The following MFSD6 variants were observed in gnomAD, a reference collection of about 807,000 sequenced individuals.
MFSD6 encodes the protein major facilitator superfamily domain-containing protein 6.
Under a neutral mutation model 56.3 loss-of-function variants are expected in MFSD6, and 26 were observed. The ratio of observed to expected loss-of-function variants is 0.46; its 90% CI spans 0.34 to 0.64. The LOEUF is 0.64. Among genes scored for constraint, MFSD6 ranks in the 30% least tolerant of loss-of-function variants. MFSD6 has a pLI of 0.01. For missense variants in MFSD6, 750 were observed against 986.2 expected, an observed-to-expected ratio of 0.76 and a Z score of 3.21; for synonymous variants, 331 against 366.9, an observed-to-expected ratio of 0.90 and a Z score of 1.12.
rs1370168818 is a variant in MFSD6, at chr2:190,457,358, G to T, written c.1533-12400G>T. On this transcript the variant is annotated intron_variant, in intron 3 of 7. Coordinates refer to ENST00000392328, the MANE Select transcript of MFSD6 (RefSeq NM_017694.4). The surrounding 1 kb of genome is among the most constrained non-coding windows in gnomAD (Gnocchi z 5.1). ...AATGATCTAACTTTCTTCTTTGGCTGGTTTTAGTATGTGAAAAAAACCACC... is the reference window on the plus strand; with the variant it reads ...AATGATCTAACTTTCTTCTTTGGCTTGTTTTAGTATGTGAAAAAAACCACC... Among the ~76,000 whole-genome samples the T allele has an allele frequency of 6.6e-6, 1 of 152,060 alleles. No individual in the cohort carries two copies. The highest frequency in any genetic ancestry group is 1.9e-4 in the East Asian group (1 of 5,196).
At position 190,488,873 on chromosome 2, in the gene MFSD6, C is replaced by T. The variant is rs902156434; in HGVS notation, c.1792+55C>T. The stretch of plus-strand genomic sequence containing the variant: ...TTCTATTATTAAAACATGATTTTTT[C>T]CAGCAATACCTCAATAAACAATCCA... On this transcript the variant is annotated intron_variant, in intron 5 of 7. Transcript: ENST00000392328. The surrounding 1 kb of genome is among the most constrained non-coding windows in gnomAD (Gnocchi z 6.4). 32 of 1,433,590 alleles carry T rather than the reference C, an allele frequency of 2.2e-5. No homozygotes were observed. The highest frequency in any genetic ancestry group is 3.8e-4 in the Middle Eastern group (2 of 5,278). 88.8% of individuals were successfully genotyped at this position (1,433,590 alleles called of 1,614,324 possible).
rs1686009167 is a variant in MFSD6 at position 190,431,696 on chromosome 2, AG to A, written c.-53-4280del. ...GCTCAGCATCAGGGAGACCGTGGAAAGAGAGGGAGAGGGAGACTGTGGGGAG... is the reference window on the plus strand; with the variant it reads ...GCTCAGCATCAGGGAGACCGTGGAAAAGAGGGAGAGGGAGACTGTGGGGAG... On this transcript the variant is annotated intron_variant, in intron 2 of 7. Transcript: ENST00000392328. The surrounding 1 kb of genome is among the most constrained non-coding windows in gnomAD (Gnocchi z 4.4). Among the ~76,000 whole-genome samples, 1 of 92,186 alleles carries A rather than the reference AG, an allele frequency of 1.1e-5. No individual in the cohort carries two copies. The highest frequency in any genetic ancestry group is 3.2e-5 in the Non-Finnish European group (1 of 31,576). 60.5% of individuals were successfully genotyped at this position (92,186 alleles called of 152,430 possible).
intron 1 of MFSD6, among the ~76,000 whole-genome samples, chr2:190,414,497 T>C (rs1351588915): frequency 6.6e-6 from 1 of 152,198 alleles, no homozygotes; most frequent in Non-Finnish European, 1.5e-5. Flanking sequence ...CACATTTCAA[T>C]TTTATTTTCT....
rs765623588 is a variant in MFSD6, at chr2:190,499,986, A to T, written c.2173-29A>T. 21 of 1,611,494 alleles carry T rather than the reference A, an allele frequency of 1.3e-5. No individual in the cohort carries two copies. The highest frequency in any genetic ancestry group is 1.7e-5 in the Non-Finnish European group (20 of 1,177,760). On this transcript the variant is annotated intron_variant, in intron 7 of 7. Transcript: ENST00000392328. This position sits in a 1 kb window ranked among gnomAD's most constrained non-coding sequence, Gnocchi z 6.0. ...TTGGATTTATTTGCTATCACTGATC[A>T]TGGGGCATCTCCTGTTTTTTACCTC...
intron 4 of MFSD6, among the ~76,000 whole-genome samples, chr2:190,486,591 T>A (rs898436948): frequency 6.6e-6 from 1 of 152,220 alleles, no homozygotes; most frequent in Non-Finnish European, 1.5e-5. Flanking sequence ...GTTGCTGATG[T>A]CCCTCAGGAA....
At position 190,437,070 on chromosome 2, in the gene MFSD6, C is replaced by G. The variant is rs1431402866; in HGVS notation, c.1041C>G (p.Asp347Glu). ...TGCTGTCTGTGGGCATCGGGATCGA[C>G]TACACCCACATCGAAGTGCTCATCG... ...LAMLSVGIGI[D>E]YTHIEVLIDG... Residue 347 changes from aspartate to glutamate, a missense_variant, in exon 3 of 8, where the codon GAC becomes GAG. Around this residue, in one of 5 missense-constraint regions of MFSD6, gnomAD observed 376 missense variants for 437.9 expected, o/e 0.86. Coordinates refer to ENST00000392328, the MANE Select transcript of MFSD6 (RefSeq NM_017694.4). The surrounding 1 kb of genome is among the most constrained non-coding windows in gnomAD (Gnocchi z 5.9). 1 of 1,614,130 alleles carries G rather than the reference C, an allele frequency of 6.2e-7. No individual in the cohort carries two copies. The highest frequency in any genetic ancestry group is 8.5e-7 in the Non-Finnish European group (1 of 1,180,060).
At chr2:190,449,210 A>T (rs933807893) in intron 3 of MFSD6, among the ~76,000 whole-genome samples, 1 of 152,232 alleles carries the variant, frequency 6.6e-6, no homozygotes, top group Non-Finnish European at 1.5e-5. Context: ...GCAGTGGCTC[A>T]TGCCTGTAAT....
chr2:190,413,940 G>C lies in MFSD6; in HGVS notation c.-175-1352G>C, dbSNP rs1209870256. Among the ~76,000 whole-genome samples the C allele has an allele frequency of 6.6e-6, 1 of 152,170 alleles. No homozygotes were observed. Among genetic ancestry groups the C allele is most frequent in the Non-Finnish European group, 1.5e-5 (1 of 68,036 alleles). On this transcript the variant is annotated intron_variant, in intron 1 of 7. Coordinates refer to ENST00000392328, the MANE Select transcript of MFSD6 (RefSeq NM_017694.4). The surrounding 1 kb of genome is among the most constrained non-coding windows in gnomAD (Gnocchi z 4.1). ...TGAGTCACGCTGGGAATTCTTAACTGTTCAGGGCACTTTTAGGGACAAAGT... is the reference window on the plus strand; with the variant it reads ...TGAGTCACGCTGGGAATTCTTAACTCTTCAGGGCACTTTTAGGGACAAAGT...
At chr2:190,466,593 T>C (rs1390859107) in intron 3 of MFSD6, among the ~76,000 whole-genome samples, 1 of 152,188 alleles carries the variant, frequency 6.6e-6, no homozygotes, top group African/African-American at 2.4e-5. Context: ...TGATGAATCA[T>C]TTATTGAGTG....
chr2:190,445,515 T>C (rs1686546894), intron 3 of MFSD6, among the ~76,000 whole-genome samples: 1 of 150,650 alleles, frequency 6.6e-6, no homozygotes, highest in Non-Finnish European at 1.5e-5. Flanking sequence ...TTTTTCTGAC[T>C]CTGCCAGCCT....
intron 4 of MFSD6, chr2:190,477,332 TTTA>T (rs1457574754): frequency 1.8e-5 from 18 of 984,690 alleles, no homozygotes; most frequent in Non-Finnish European, 2.2e-5. Flanking sequence ...GCTTAATTGC[TTTA>T]TTTATTGGTA....
At chr2:190,445,048 T>TCAC in intron 3 of MFSD6, 1 of 168,758 alleles carries the variant, frequency 5.9e-6, no homozygotes, top group Non-Finnish European at 1.2e-5. Context: ...AGAGTAGGCC[T>TCAC]TGGTGTTAAG....
intron 3 of MFSD6, among the ~76,000 whole-genome samples, chr2:190,453,897 T>A (rs1393831606): frequency 1.3e-5 from 2 of 152,202 alleles, no homozygotes; most frequent in Non-Finnish European, 2.9e-5. Flanking sequence ...ATTATTATCA[T>A]ACATGTCAGA....
In MFSD6 at chr2:190,448,662, AT is replaced by A. The variant is rs538604544; in HGVS notation, c.1532+11104del. Among the ~76,000 whole-genome samples, 698 of 152,368 alleles carry A rather than the reference AT, an allele frequency of 4.6e-3. 11 individuals carry two copies. The highest frequency in any genetic ancestry group is 0.016 in the African/African-American group (662 of 41,590). On this transcript the variant is annotated intron_variant, in intron 3 of 7. Transcript: ENST00000392328. ...TTTACATATATATAAAGACATTTAA[AT>A]TTGTAGAGGAATAATACACTCTAAA...
chr2:190,497,768 C>A lies in MFSD6; in HGVS notation c.2172+49C>A. On this transcript the variant is annotated intron_variant, in intron 7 of 7. Transcript: ENST00000392328. The surrounding 1 kb of genome is among the most constrained non-coding windows in gnomAD (Gnocchi z 5.2). Reference sequence around the variant, plus strand: ...CAATATTACCTGTCACTCAAGATACCTTAACTGGGCTCAGTTTTAATTACT... The same window carrying A: ...CAATATTACCTGTCACTCAAGATACATTAACTGGGCTCAGTTTTAATTACT... 2 of 1,544,538 alleles carry A rather than the reference C, an allele frequency of 1.3e-6. No homozygotes were observed. Among genetic ancestry groups the A allele is most frequent in the South Asian group, 1.2e-5 (1 of 83,826 alleles).
Position 190,434,924 on chromosome 2 carries a change from G to C in MFSD6, c.-53-1053G>C, listed in dbSNP as rs749185775. 6.6e-6 allele frequency among the ~76,000 whole-genome samples: 1 copy of C among 152,178 alleles called. No individual in the cohort carries two copies. Among genetic ancestry groups the C allele is most frequent in the Non-Finnish European group, 1.5e-5 (1 of 68,020 alleles). ...ATCACATGAGCTCTTCCTCCTGTCA[G>C]ATCAGCAGAGGTATTAGATTTGCAT... On this transcript the variant is annotated intron_variant, in intron 2 of 7. Transcript: ENST00000392328. This position sits in a 1 kb window ranked among gnomAD's most constrained non-coding sequence, Gnocchi z 4.3.
In MFSD6 at chr2:190,416,592, A is replaced by G. The variant is rs942589343; in HGVS notation, c.-54+1179A>G. Among the ~76,000 whole-genome samples the G allele has an allele frequency of 6.6e-6, 1 of 152,242 alleles. No homozygotes were observed. Among genetic ancestry groups the G allele is most frequent in the Non-Finnish European group, 1.5e-5 (1 of 68,040 alleles). The stretch of plus-strand genomic sequence containing the variant: ...CATGAGCACAGATGGATGAAATACT[A>G]GCCTAGTTCAAGGGTGGTGCCAAAT... On this transcript the variant is annotated intron_variant, in intron 2 of 7. Transcript: ENST00000392328. The surrounding 1 kb of genome is among the most constrained non-coding windows in gnomAD (Gnocchi z 4.1).
At position 190,413,670 on chromosome 2, in the gene MFSD6, C is replaced by T. The variant is rs767504141; in HGVS notation, c.-175-1622C>T. Among the ~76,000 whole-genome samples the T allele has an allele frequency of 3.3e-5, 5 of 152,128 alleles. No individual in the cohort carries two copies. The highest frequency in any genetic ancestry group is 1.9e-4 in the East Asian group (1 of 5,196). ...GAACAAGCCCGATGTGTGGGTTAAC[C>T]GTGCCAAAGGAAAGTGAGTGGCGAG... is the stretch of plus-strand genomic sequence containing the variant. On this transcript the variant is annotated intron_variant, in intron 1 of 7. Transcript: ENST00000392328. The surrounding 1 kb of genome is among the most constrained non-coding windows in gnomAD (Gnocchi z 4.1).
At chr2:190,468,062 T>TA (rs1278492064) in intron 3 of MFSD6, among the ~76,000 whole-genome samples, 1 of 152,234 alleles carries the variant, frequency 6.6e-6, no homozygotes, top group Non-Finnish European at 1.5e-5. Context: ...TTGTTTAACT[T>TA]GTGTGTTCAT....
Sources: allele counts gnomAD v4.1 joint callset (sites outside exome capture counted in the v4.1 genomes callset), GRCh38; gene constraint gnomAD v4.1.1; regional missense constraint gnomAD v4.1.1; non-coding constraint Gnocchi (gnomAD v3.1); transcripts MANE v1.5; gene names NCBI Gene and HGNC (gene_info 2026-07-23, HGNC 2026-07-21).